TEAD3: variants seen among roughly 807,000 people sequenced by gnomAD.
TEAD3 encodes TEA domain transcription factor 3.
Under a neutral mutation model 55.6 loss-of-function variants are expected in TEAD3, and 15 were observed. The ratio of observed to expected loss-of-function variants is 0.27; its 90% CI spans 0.18 to 0.42. The LOEUF (loss-of-function observed/expected upper bound fraction) is 0.42, where lower values mean the gene tolerates loss of function less well. Among genes scored for constraint, TEAD3 ranks in the 10% least tolerant of loss-of-function variants. The pLI, the probability that TEAD3 is intolerant of heterozygous loss-of-function variation, is 1.00. For synonymous variants in TEAD3, 210 were observed against 232.2 expected (o/e 0.90, Z 0.87); for missense variants, 407 against 576.8 (o/e 0.71, Z 3.01).
At position 35,486,240 on chromosome 6, in the gene TEAD3, G is replaced by C. The variant is rs1768376350; in HGVS notation, c.202+221C>G. On this transcript the variant is annotated intron_variant, in intron 2 of 12. Transcript: ENST00000639578. This position sits in a 1 kb window ranked among gnomAD's most constrained non-coding sequence, Gnocchi z 7.3. Reference sequence around the variant, plus strand: ...AGGCCGGTAGCGGGGAGGAGAGGAGGAGCAGGCGGGGGTGCCAAGGTGTGG... The same window carrying C: ...AGGCCGGTAGCGGGGAGGAGAGGAGCAGCAGGCGGGGGTGCCAAGGTGTGG... 6.6e-6 allele frequency among the ~76,000 whole-genome samples: 1 copy of C among 152,254 alleles called. No homozygotes were observed. The highest frequency in any genetic ancestry group is 2.1e-4 in the South Asian group (1 of 4,834).
In TEAD3 at chr6:35,485,866, T is replaced by C. The variant is rs570253776; in HGVS notation, c.202+595A>G. ...GGAACCAGGCCCAGAAGGGTCGAGTTATCCCAAAAATGCAGCTCTGGGAGA... is the reference window on the plus strand; with the variant it reads ...GGAACCAGGCCCAGAAGGGTCGAGTCATCCCAAAAATGCAGCTCTGGGAGA... On this transcript the variant is annotated intron_variant, in intron 2 of 12. Transcript: ENST00000639578. This position sits in a 1 kb window ranked among gnomAD's most constrained non-coding sequence, Gnocchi z 4.3. Among the ~76,000 whole-genome samples, 4 of 152,270 alleles carry C rather than the reference T, an allele frequency of 2.6e-5. No homozygotes were observed. Among genetic ancestry groups the C allele is most frequent in the Middle Eastern group, 3.4e-3 (1 of 294 alleles).
chr6:35,484,774 G>C lies in TEAD3; in HGVS notation c.203-150C>G. ...CTCTTCACCCCAAGCTGCACATGCA[G>C]GGCATGCAAAGGTGGCTGGGGAGTC... On this transcript the variant is annotated intron_variant, in intron 2 of 12. Coordinates refer to ENST00000639578, the Ensembl canonical transcript of TEAD3. This position sits in a 1 kb window ranked among gnomAD's most constrained non-coding sequence, Gnocchi z 5.8. The C allele has an allele frequency of 1.4e-6, 1 of 737,258 alleles. No homozygotes were observed. Among genetic ancestry groups the C allele is most frequent in the Non-Finnish European group, 2.3e-6 (1 of 434,624 alleles). The allele number at this position is 737,258 out of a possible 1,614,324, so 45.7% of individuals were successfully genotyped here. A position where few individuals can be genotyped will look rare whatever the true frequency, so the allele number is the denominator to read the frequency against.
exon 6 of TEAD3, chr6:35,478,512 G>C (rs201468192): frequency 2.5e-6 from 4 of 1,609,600 alleles, no homozygotes; most frequent in Non-Finnish European, 3.4e-6. Flanking sequence ...TGGCAGAGAC[G>C]ATCTGGGCAG....
intron 3 of TEAD3, 140 bp downstream of exon 4, chr6:35,480,172 G>A: frequency 6.4e-7 from 1 of 1,550,740 alleles, no homozygotes; most frequent in Non-Finnish European, 8.7e-7. Context: ...CGGAAGGAGA[G>A]GCAGAAACAG....
chr6:35,478,184 T>C, intron 7 of TEAD3, 91 bp downstream of exon 7: 1 of 1,493,372 alleles, frequency 6.7e-7, no homozygotes, highest in South Asian at 1.2e-5. Context: ...ATTAAAACTT[T>C]GCTCAGCTGT....
In TEAD3 at chr6:35,485,502, C is replaced by T. The variant is rs542314760; in HGVS notation, c.203-878G>A. Among the ~76,000 whole-genome samples the T allele has an allele frequency of 2.8e-3, 434 of 152,328 alleles. 1 individual carries two copies. Among genetic ancestry groups the T allele is most frequent in the African/African-American group, 9.8e-3 (407 of 41,576 alleles). ...TCTCTGCCCTCCAACCCAAGGCCTCCCCAGAATGGCCAAATTCTCCAAATT... is the reference window on the plus strand; with the variant it reads ...TCTCTGCCCTCCAACCCAAGGCCTCTCCAGAATGGCCAAATTCTCCAAATT... On this transcript the variant is annotated intron_variant, in intron 2 of 12. Transcript: ENST00000639578. The surrounding 1 kb of genome is among the most constrained non-coding windows in gnomAD (Gnocchi z 4.3).
intron 7 of TEAD3, 93 bp from the exon 8 acceptor site, chr6:35,477,465 C>T (rs762472989): frequency 2.4e-6 from 3 of 1,232,874 alleles, no homozygotes; most frequent in Non-Finnish European, 3.4e-6. Context: ...GAGCAAGCCA[C>T]CCAGCCTTTC....
rs1208589503 is a variant in TEAD3, at chr6:35,496,683, G to C, written c.-50+215C>G. ...CTTCCCGGACCAACTCGTCCCCGTC[G>C]CGGGGGGGTGGGGAGGGCGGGGGGC... is the stretch of plus-strand genomic sequence containing the variant. On this transcript the variant is annotated intron_variant, in intron 1 of 12. Transcript: ENST00000639578. The surrounding 1 kb of genome is among the most constrained non-coding windows in gnomAD (Gnocchi z 4.8). Among the ~76,000 whole-genome samples the C allele has an allele frequency of 6.6e-6, 1 of 152,154 alleles. No homozygotes were observed. Among genetic ancestry groups the C allele is most frequent in the African/African-American group, 2.4e-5 (1 of 41,440 alleles).
At position 35,475,828 on chromosome 6, in the gene TEAD3, A is replaced by G; in HGVS notation, c.900+91T>C. The G allele has an allele frequency of 6.7e-7, 1 of 1,502,400 alleles. No individual in the cohort carries two copies. The highest frequency in any genetic ancestry group is 1.4e-5 in the African/African-American group (1 of 71,754). The allele number at this position is 1,502,400 out of a possible 1,614,324, so 93.1% of individuals were successfully genotyped here. A position where few individuals can be genotyped will look rare whatever the true frequency, so the allele number is the denominator to read the frequency against. On this transcript the variant is annotated intron_variant, in intron 10 of 12. Coordinates refer to ENST00000639578, the Ensembl canonical transcript of TEAD3. This position sits in a 1 kb window ranked among gnomAD's most constrained non-coding sequence, Gnocchi z 5.4. ...CTCTGCCCACAAGCCATGAGGATGC[A>G]GCAGGGTCAGAGGTCAATGCAGTGG...
At position 35,486,850 on chromosome 6, in the gene TEAD3, G is replaced by A. The variant is rs1768394501; in HGVS notation, c.-49-139C>T. 3.2e-6 allele frequency: 2 copies of A among 624,046 alleles called. No individual in the cohort carries two copies. The highest frequency in any genetic ancestry group is 5.5e-5 in the East Asian group (2 of 36,140). The allele number at this position is 624,046 out of a possible 1,614,324, so 38.7% of individuals were successfully genotyped here. ...AGCAGGTGCTCCAGGTGGAACGGAGGTAACCAGAGGAACAACCACAGCTTG... is the reference window on the plus strand; with the variant it reads ...AGCAGGTGCTCCAGGTGGAACGGAGATAACCAGAGGAACAACCACAGCTTG... On this transcript the variant is annotated intron_variant, in intron 1 of 12. Coordinates refer to ENST00000639578, the Ensembl canonical transcript of TEAD3. The surrounding 1 kb of genome is among the most constrained non-coding windows in gnomAD (Gnocchi z 7.3).
intron 1 of TEAD3, among the ~76,000 whole-genome samples, chr6:35,487,058 G>A (rs78639142): frequency 6.6e-6 from 1 of 152,176 alleles, no homozygotes; most frequent in Admixed American, 6.5e-5. Flanking sequence ...ATAGGTAATC[G>A]GTAACAACAA....
rs1768355640 is a variant in TEAD3 at position 35,485,492 on chromosome 6, C to T, written c.203-868G>A. Among the ~76,000 whole-genome samples, 1 of 152,220 alleles carries T rather than the reference C, an allele frequency of 6.6e-6. No homozygotes were observed. Among genetic ancestry groups the T allele is most frequent in the South Asian group, 2.1e-4 (1 of 4,834 alleles). ...AAATCCAGGCTCTCTGCCCTCCAAC[C>T]CAAGGCCTCCCCAGAATGGCCAAAT... On this transcript the variant is annotated intron_variant, in intron 2 of 12. Transcript: ENST00000639578. The surrounding 1 kb of genome is among the most constrained non-coding windows in gnomAD (Gnocchi z 4.3).
rs1768511251 is a variant in TEAD3, at chr6:35,491,259, C to T, written c.-49-4548G>A. Among the ~76,000 whole-genome samples, 1 of 119,784 alleles carries T rather than the reference C, an allele frequency of 8.3e-6. No homozygotes were observed. Among genetic ancestry groups the T allele is most frequent in the Non-Finnish European group, 1.7e-5 (1 of 59,606 alleles). 78.6% of individuals were successfully genotyped at this position (119,784 alleles called of 152,430 possible). ...AGACCCACAGACTGACAGACAGAGC[C>T]GGTGGGGGGTGAAGGGAGAAGGGGA... On this transcript the variant is annotated intron_variant, in intron 1 of 12. Coordinates refer to ENST00000639578, the Ensembl canonical transcript of TEAD3. This position sits in a 1 kb window ranked among gnomAD's most constrained non-coding sequence, Gnocchi z 4.4.
At chr6:35,479,052 G>A (rs1441101161) in intron 5 of TEAD3, among the ~76,000 whole-genome samples, 1 of 151,872 alleles carries the variant, frequency 6.6e-6, no homozygotes, top group Non-Finnish European at 1.5e-5. Context: ...GCTAATTTTT[G>A]TATTTTTAGT....
chr6:35,479,695 G>A (rs1004021221), intron 4 of TEAD3, among the ~76,000 whole-genome samples: 1 of 152,202 alleles, frequency 6.6e-6, no homozygotes, highest in African/African-American at 2.4e-5. Context: ...TCTGAGATCC[G>A]CAGCTGCAGG....
At chr6:35,479,818 C>A (rs1268102732) in intron 4 of TEAD3, among the ~76,000 whole-genome samples, 1 of 152,234 alleles carries the variant, frequency 6.6e-6, no homozygotes, top group Non-Finnish European at 1.5e-5. Context: ...AAGCAGCAGT[C>A]AGGAAGAAGG....
rs1768664054 is a variant in TEAD3 at position 35,496,624 on chromosome 6, G to A, written c.-50+274C>T. 6.6e-6 allele frequency among the ~76,000 whole-genome samples: 1 copy of A among 152,168 alleles called. No homozygotes were observed. The highest frequency in any genetic ancestry group is 2.4e-5 in the African/African-American group (1 of 41,456). On this transcript the variant is annotated intron_variant, in intron 1 of 12. Transcript: ENST00000639578. The surrounding 1 kb of genome is among the most constrained non-coding windows in gnomAD (Gnocchi z 4.8). ...AAGCACGGACGGCGGGACAGGCGAC[G>A]GCACAGGGGACACGGTCTCCCCGGC...
Position 35,475,585 on chromosome 6 carries a change from T to C in TEAD3, c.1022A>G (p.Gln341Arg). 6.2e-7 allele frequency: 1 copy of C among 1,611,670 alleles called. No individual in the cohort carries two copies. Among genetic ancestry groups the C allele is most frequent in the Non-Finnish European group, 8.5e-7 (1 of 1,178,390 alleles). The change falls in exon 11 of 13, where the codon CAG (glutamine) becomes CGG (arginine). Residue 341 changes from glutamine (Q) to arginine (R), a missense_variant. Transcript: ENST00000639578. The surrounding 1 kb of genome is among the most constrained non-coding windows in gnomAD (Gnocchi z 5.4). Reference sequence around the variant, plus strand: ...ACTCACCTCCACCTTCTCTACCACCTGTTTGCCAAAGGAGCACACCTTGGT... The same window carrying C: ...ACTCACCTCCACCTTCTCTACCACCCGTTTGCCAAAGGAGCACACCTTGGT...
At chr6:35,476,316 G>T (rs931349381) in exon 9 of TEAD3, 1 of 1,612,102 alleles carries the variant, frequency 6.2e-7, no homozygotes, top group African/African-American at 1.3e-5. Context: ...TCAGGGTCTC[G>T]CTGCACCTCC....
Sources: gnomAD v4.1 joint callset for allele counts (sites outside exome capture counted in the v4.1 genomes callset) on GRCh38, gnomAD v4.1.1 for gene constraint, Gnocchi (gnomAD v3.1) non-coding constraint, MANE v1.5 for transcripts, NCBI Gene and HGNC (gene_info 2026-07-23, HGNC 2026-07-21) for gene names.